The following TIMM21 variants were observed in gnomAD, a reference collection of about 807,000 sequenced individuals.
TIMM21 encodes mitochondrial import inner membrane translocase subunit Tim21.
TIMM21 carries 30 observed loss-of-function variants against 27.7 expected under a neutral mutation model. The observed-to-expected ratio is 1.08, with a 90% CI of 0.81 to 1.47. The LOEUF (loss-of-function observed/expected upper bound fraction) is 1.47, where lower values mean the gene tolerates loss of function less well. Ranked by LOEUF, TIMM21 falls within the 40% of genes most tolerant of loss-of-function variation. The pLI is 0.00. For missense variants in TIMM21, 292 were observed against 302.9 expected (o/e 0.96, Z 0.27); for synonymous variants, 121 against 114.4 (o/e 1.06, Z -0.37).
At chr18:74,157,402 T>C (rs1232175787) in intron 3 of TIMM21, 2 of 152,524 alleles carry the variant, frequency 1.3e-5, no homozygotes, top group East Asian at 3.8e-4. Flanking sequence ...TGTGTTGTTA[T>C]GTTTGTTTTC....
At chr18:74,150,076 C>CAT (rs1305402936) in intron 1 of TIMM21, among the ~76,000 whole-genome samples, 1 of 152,168 alleles carries the variant, frequency 6.6e-6, no homozygotes, top group African/African-American at 2.4e-5. Flanking sequence ...TGTCTTGGCA[C>CAT]GCCCCAGTGT....
At position 74,160,440 on chromosome 18, in the gene TIMM21, G is replaced by A. The variant is rs1268085995; in HGVS notation, c.*1960G>A. On this transcript the variant is annotated 3_prime_UTR_variant, in exon 6 of 6. Transcript: ENST00000169551. ...CTTCTGTATAGCCACAGGAAAATGTGATGTGTAACTCTCTAGATCTCTGTT... is the reference window on the plus strand; with the variant it reads ...CTTCTGTATAGCCACAGGAAAATGTAATGTGTAACTCTCTAGATCTCTGTT... The A allele has an allele frequency of 6.6e-6, 1 of 152,172 alleles. No homozygotes were observed. The highest frequency in any genetic ancestry group is 2.4e-5 in the African/African-American group (1 of 41,432). The allele number at this position is 152,172 out of a possible 1,614,324, so 9.4% of individuals were successfully genotyped here.
In TIMM21 at chr18:74,151,946, C is replaced by CCG. The variant is rs1979819863; in HGVS notation, c.301+2838_301+2839insGC. On this transcript the variant is annotated intron_variant, in intron 1 of 5. Transcript: ENST00000169551. The stretch of plus-strand genomic sequence containing the variant: ...GCAGTGGTGTCTATGTTCCCCCCCC[C>CCG]CCCGGGGGGACCTCCAGCTCCTTCC... Among the ~76,000 whole-genome samples the CCG allele has an allele frequency of 1.4e-5, 2 of 140,616 alleles. 1 individual carries two copies. Among genetic ancestry groups the CCG allele is most frequent in the Admixed American group, 1.4e-4 (2 of 14,670 alleles). The allele number at this position is 140,616 out of a possible 152,430, so 92.2% of individuals were successfully genotyped here.
Position 74,148,940 on chromosome 18 carries a change from G to T in TIMM21, c.132G>T (p.Gly44=), listed in dbSNP as rs758762695. 2 of 1,614,172 alleles carry T rather than the reference G, an allele frequency of 1.2e-6. No homozygotes were observed. The highest frequency in any genetic ancestry group is 1.7e-6 in the Non-Finnish European group (2 of 1,180,032). ...AGACTGAGCCCAGTTTGAGATGTGG[G>T]CTTCAATATCAAAAGAAAACGCTGC... ...CLKTEPSLRC[G]LQYQKKTLRP... The change falls in exon 1 of 6, where the codon GGG becomes GGT. Residue 44 remains glycine, a synonymous_variant. Coordinates refer to ENST00000169551, the MANE Select transcript of TIMM21 (RefSeq NM_014177.3).
intron 1 of TIMM21, among the ~76,000 whole-genome samples, chr18:74,153,627 A>T (rs1400187557): frequency 6.6e-6 from 1 of 152,246 alleles, no homozygotes; most frequent in Admixed American, 6.5e-5. Context: ...AGTCCCATGA[A>T]TTACACAGAT....
Position 74,148,990 on chromosome 18 carries a change from C to T in TIMM21, c.182C>T (p.Thr61Ile), listed in dbSNP as rs772984727. 6.2e-7 allele frequency: 1 copy of T among 1,614,160 alleles called. No homozygotes were observed. The highest frequency in any genetic ancestry group is 8.5e-7 in the Non-Finnish European group (1 of 1,180,046). The change falls in exon 1 of 6, where the codon ACC becomes ATC. Residue 61 changes from threonine (T) to isoleucine (I), a missense_variant. By Grantham distance (89) the Thr-to-Ile change is moderately conservative. Coordinates refer to ENST00000169551, the MANE Select transcript of TIMM21 (RefSeq NM_014177.3). ...CGACCTAGATGTATTCTTGGAGTCA[C>T]CCAGAAAACCATCTGGACGCAGGGA... ...TLRPRCILGV[T>I]QKTIWTQGPS... is the part of the protein sequence containing the mutation.
chr18:74,158,207 G>A lies in TIMM21; in HGVS notation c.573G>A (p.Thr191=), dbSNP rs749325569. Residue 191 remains threonine (T), a synonymous_variant, in exon 5 of 6, where the codon ACG becomes ACA. Coordinates refer to ENST00000169551, the MANE Select transcript of TIMM21 (RefSeq NM_014177.3). Reference sequence around the variant, plus strand: ...ATGTAAAAGATGGGCTGAAACACACGTGTGTGAAATTCTACATTGAGGGCT... The same window carrying A: ...ATGTAAAAGATGGGCTGAAACACACATGTGTGAAATTCTACATTGAGGGCT... ...TEYVKDGLKH[T]CVKFYIEGSE... 8.0e-5 allele frequency: 129 copies of A among 1,614,042 alleles called. 1 individual carries two copies. The highest frequency in any genetic ancestry group is 3.7e-4 in the Admixed American group (22 of 60,004).
chr18:74,150,120 C>G (rs1979762510), intron 1 of TIMM21, among the ~76,000 whole-genome samples: 1 of 152,182 alleles, frequency 6.6e-6, no homozygotes. Flanking sequence ...GTTGATGAGC[C>G]TCTGCATCTT....
At chr18:74,151,945 C>CCCCA (rs1555682321) in intron 1 of TIMM21, among the ~76,000 whole-genome samples, 1 of 145,258 alleles carries the variant, frequency 6.9e-6, no homozygotes, top group African/African-American at 2.7e-5. Flanking sequence ...GTTCCCCCCC[C>CCCCA]CCCCGGGGGG....
At position 74,158,818 on chromosome 18, in the gene TIMM21, A is replaced by G. The variant is rs988173910; in HGVS notation, c.*338A>G. Reference sequence around the variant, plus strand: ...TATTCATTTTATATTATAGAACTGCATAATGTCTGCAGAATAAAATTAAAA... The same window carrying G: ...TATTCATTTTATATTATAGAACTGCGTAATGTCTGCAGAATAAAATTAAAA... On this transcript the variant is annotated 3_prime_UTR_variant, in exon 6 of 6. Coordinates refer to ENST00000169551, the MANE Select transcript of TIMM21 (RefSeq NM_014177.3). The G allele has an allele frequency of 2.3e-5, 5 of 219,858 alleles. No homozygotes were observed. The highest frequency in any genetic ancestry group is 4.8e-5 in the African/African-American group (2 of 42,096). The allele number at this position is 219,858 out of a possible 1,614,324, so 13.6% of individuals were successfully genotyped here.
In TIMM21 at chr18:74,159,449, C is replaced by T. The variant is rs968087746; in HGVS notation, c.*969C>T. On this transcript the variant is annotated 3_prime_UTR_variant, in exon 6 of 6. Coordinates refer to ENST00000169551, the MANE Select transcript of TIMM21 (RefSeq NM_014177.3). ...CTGCGGTGGCTTCAGTGTGAGGTATCCCCTCTGATGTGTTTGTTCCTTCTC... is the reference window on the plus strand; with the variant it reads ...CTGCGGTGGCTTCAGTGTGAGGTATTCCCTCTGATGTGTTTGTTCCTTCTC... The T allele has an allele frequency of 6.6e-6, 1 of 151,780 alleles. No individual in the cohort carries two copies. The highest frequency in any genetic ancestry group is 2.4e-5 in the African/African-American group (1 of 41,292). 9.4% of individuals were successfully genotyped at this position (151,780 alleles called of 1,614,324 possible). A position where few individuals can be genotyped will look rare whatever the true frequency, so the allele number is the denominator to read the frequency against.
In TIMM21 at chr18:74,155,367, T is replaced by G. The variant is rs755658553; in HGVS notation, c.426T>G (p.Tyr142Ter). 1 of 1,613,252 alleles carries G rather than the reference T, an allele frequency of 6.2e-7. No individual in the cohort carries two copies. The highest frequency in any genetic ancestry group is 8.5e-7 in the Non-Finnish European group (1 of 1,179,838). Residue 142 changes from tyrosine to a stop codon, truncating the protein, a stop_gained, in exon 3 of 6, where the codon TAT becomes TAG. Transcript: ENST00000169551. LOFTEE classifies it high-confidence loss of function. The part of the protein sequence containing the change: ...LFSSSSPSKI[Y>*]GRALEKCRSH... Reference sequence around the variant, plus strand: ...CTTCATCCAGTCCTAGCAAGATATATGGGAGAGCCTTAGAAAAATGCAGAT... The same window carrying G: ...CTTCATCCAGTCCTAGCAAGATATAGGGGAGAGCCTTAGAAAAATGCAGAT...
rs1169170099 is a variant in TIMM21 at position 74,148,802 on chromosome 18, C to G, written c.-7C>G. 1.3e-6 allele frequency: 2 copies of G among 1,598,938 alleles called. No individual in the cohort carries two copies. Among genetic ancestry groups the G allele is most frequent in the Non-Finnish European group, 1.7e-6 (2 of 1,167,820 alleles). On this transcript the variant is annotated 5_prime_UTR_variant, in exon 1 of 6. Coordinates refer to ENST00000169551, the MANE Select transcript of TIMM21 (RefSeq NM_014177.3). ...ATCGTCCCTAAGCGGAACGATTTTCCGTGAACATGATTTGTACTTTTCTAC... is the reference window on the plus strand; with the variant it reads ...ATCGTCCCTAAGCGGAACGATTTTCGGTGAACATGATTTGTACTTTTCTAC...
At chr18:74,151,511 C>G (rs140429621) in intron 1 of TIMM21, among the ~76,000 whole-genome samples, 1 of 152,180 alleles carries the variant, frequency 6.6e-6, no homozygotes, top group East Asian at 1.9e-4. Context: ...GTTTAACACC[C>G]CAGCCTGGTC....
rs1463430848 is a variant in TIMM21 at position 74,149,129 on chromosome 18, T to TTA, written c.301+20_301+21insTA. 1 of 1,595,420 alleles carries TTA rather than the reference T, an allele frequency of 6.3e-7. No homozygotes were observed. The highest frequency in any genetic ancestry group is 8.6e-7 in the Non-Finnish European group (1 of 1,167,520). ...AAAAAGGTAAAAAGGAGTACTTTAA[T>TTA]GATTGGGCTTTCAACAGACATGACA... On this transcript the variant is annotated intron_variant, in intron 1 of 5. Coordinates refer to ENST00000169551, the MANE Select transcript of TIMM21 (RefSeq NM_014177.3).
At chr18:74,150,080 C>G (rs899878035) in intron 1 of TIMM21, among the ~76,000 whole-genome samples, 6 of 152,148 alleles carry the variant, frequency 3.9e-5, no homozygotes, top group Non-Finnish European at 7.4e-5. Context: ...TTGGCACGCC[C>G]CAGTGTAGCC....
rs1980060900 is a variant in TIMM21, at chr18:74,160,094, C to T, written c.*1614C>T. On this transcript the variant is annotated 3_prime_UTR_variant, in exon 6 of 6. Transcript: ENST00000169551. ...AGCACTTTGGGAGGCTGAGGCAGGT[C>T]AATCACTGGAGGTCAGGAGTTCAAG... The T allele has an allele frequency of 6.6e-6, 1 of 151,636 alleles. No individual in the cohort carries two copies. The highest frequency in any genetic ancestry group is 2.4e-5 in the African/African-American group (1 of 41,222). The allele number at this position is 151,636 out of a possible 1,614,324, so 9.4% of individuals were successfully genotyped here.
At chr18:74,151,937 T>TCCCCCCCCCCCCC in intron 1 of TIMM21, among the ~76,000 whole-genome samples, 1 of 94,292 alleles carries the variant, frequency 1.1e-5, no homozygotes, top group African/African-American at 5.9e-5. Flanking sequence ...GTGTCTATGT[T>TCCCCCCCCCCCCC]CCCCCCCCCC....
chr18:74,158,485 G>A lies in TIMM21; in HGVS notation c.*5G>A, dbSNP rs201898493. 15 of 1,554,476 alleles carry A rather than the reference G, an allele frequency of 9.6e-6. No individual in the cohort carries two copies. Among genetic ancestry groups the A allele is most frequent in the Non-Finnish European group, 1.3e-5 (15 of 1,130,224 alleles). On this transcript the variant is annotated 3_prime_UTR_variant, in exon 6 of 6. Coordinates refer to ENST00000169551, the MANE Select transcript of TIMM21 (RefSeq NM_014177.3). ...AATCGATCCCAAGATGATTAAAATA[G>A]GGTTTCTGATGGATGTTGAATGGCG...
Sources: gnomAD v4.1 joint callset for allele counts (sites outside exome capture counted in the v4.1 genomes callset) on GRCh38, gnomAD v4.1.1 for gene constraint, MANE v1.5 for transcripts, NCBI Gene and HGNC (gene_info 2026-07-23, HGNC 2026-07-21) for gene names.